Variants in COL11A1 observed in about 807,000 individuals in gnomAD.
The protein encoded by COL11A1 is collagen alpha-1(XI) chain.
COL11A1 carries 74 observed loss-of-function variants against 265.2 expected under a neutral mutation model. The observed-to-expected ratio is 0.28, with a 90% CI of 0.23 to 0.34. COL11A1 has a LOEUF of 0.34. COL11A1 is among the 10% of genes least tolerant of loss of function. COL11A1 has a pLI of 1.00. For synonymous variants in COL11A1, 816 were observed against 727.6 expected (o/e 1.12, Z -1.96); for missense variants, 2,165 against 2,263.6 (o/e 0.96, Z 0.88).
intron 4 of COL11A1, among the ~76,000 whole-genome samples, chr1:103,046,986 C>A (rs1023301496): frequency 1.1e-4 from 17 of 152,080 alleles, no homozygotes; most frequent in Non-Finnish European, 2.9e-5. Flanking sequence ...GGTACAAGTA[C>A]CATGTTGTTT....
At chr1:102,997,923 A>G (rs1413683377) in intron 25 of COL11A1, among the ~76,000 whole-genome samples, 1 of 151,986 alleles carries the variant, frequency 6.6e-6, no homozygotes, top group South Asian at 2.1e-4. Flanking sequence ...ATACTTTGAA[A>G]AGGAGGAGAA....
At chr1:103,033,730 T>C (rs948612558) in intron 4 of COL11A1, among the ~76,000 whole-genome samples, 2 of 152,192 alleles carry the variant, frequency 1.3e-5, no homozygotes, top group African/African-American at 4.8e-5. Context: ...TCCATTTCAA[T>C]CTGAGAGACT....
intron 8 of COL11A1, 45 bp downstream of exon 8, chr1:103,022,697 C>G (rs1416382128): frequency 1.2e-6 from 2 of 1,610,746 alleles, no homozygotes; most frequent in Non-Finnish European, 1.7e-6. Flanking sequence ...TAAAAATATC[C>G]CATAAATAAG....
chr1:103,067,913 C>A (rs891326532), intron 4 of COL11A1, among the ~76,000 whole-genome samples: 8 of 151,392 alleles, frequency 5.3e-5, no homozygotes, highest in East Asian at 3.9e-4. Context: ...AACAGAAAAA[C>A]CGAATTAACC....
At chr1:103,069,614 C>T (rs531843805) in intron 4 of COL11A1, among the ~76,000 whole-genome samples, 1 of 151,678 alleles carries the variant, frequency 6.6e-6, no homozygotes, top group Non-Finnish European at 1.5e-5. Flanking sequence ...AAAAAAAAGG[C>T]AAGTCACATA....
At chr1:103,076,395 T>TA (rs34919954) in intron 3 of COL11A1, among the ~76,000 whole-genome samples, 7,889 of 152,106 alleles carry the variant, frequency 0.052, 218 homozygotes, top group Middle Eastern at 0.092. Context: ...TCTGCATTCT[T>TA]AAAACTATCA....
chr1:102,961,441 A>G (rs1478270036), intron 41 of COL11A1, among the ~76,000 whole-genome samples: 1 of 152,198 alleles, frequency 6.6e-6, no homozygotes, highest in Non-Finnish European at 1.5e-5. Flanking sequence ...AACAAATTAA[A>G]TATGTTTTAT....
intron 49 of COL11A1, among the ~76,000 whole-genome samples, chr1:102,917,570 G>A (rs1431074843): frequency 6.6e-6 from 1 of 151,812 alleles, no homozygotes; most frequent in African/African-American, 2.4e-5. Flanking sequence ...TTAATTCATG[G>A]TAACATCACA....
chr1:102,904,353 C>A (rs1301264133), intron 54 of COL11A1, among the ~76,000 whole-genome samples: 7 of 152,096 alleles, frequency 4.6e-5, no homozygotes, highest in African/African-American at 1.4e-4. Context: ...GCAATGGCAA[C>A]AAAAGCCAAA....
At chr1:103,100,868 G>A (rs1674207854) in intron 1 of COL11A1, among the ~76,000 whole-genome samples, 1 of 151,834 alleles carries the variant, frequency 6.6e-6, no homozygotes, top group African/African-American at 2.4e-5. Flanking sequence ...TATCTCATGG[G>A]TAAAATCAGT....
intron 4 of COL11A1, among the ~76,000 whole-genome samples, chr1:103,061,609 T>G (rs969340565): frequency 6.6e-6 from 1 of 151,988 alleles, no homozygotes; most frequent in African/African-American, 2.4e-5. Flanking sequence ...TGTAAAAACA[T>G]ACTTCTAACT....
intron 9 of COL11A1, among the ~76,000 whole-genome samples, chr1:103,020,764 G>C (rs1666981684): frequency 8.0e-6 from 1 of 125,712 alleles, no homozygotes; most frequent in Admixed American, 8.0e-5. Context: ...ATTGATTTTT[G>C]TATAAGGTGT....
intron 35 of COL11A1, among the ~76,000 whole-genome samples, chr1:102,977,285 C>T (rs949831888): frequency 6.6e-6 from 1 of 152,018 alleles, no homozygotes; most frequent in Non-Finnish European, 1.5e-5. Context: ...GTCTCATCAA[C>T]CACAAGGAAC....
At chr1:102,989,090 C>T (rs1663861920) in intron 29 of COL11A1, among the ~76,000 whole-genome samples, 2 of 152,104 alleles carry the variant, frequency 1.3e-5, no homozygotes, top group African/African-American at 2.4e-5. Flanking sequence ...AAATTGAACA[C>T]CACCATATAA....
At chr1:102,902,875 C>CATAT (rs1451178887) in intron 54 of COL11A1, among the ~76,000 whole-genome samples, 34 of 150,548 alleles carry the variant, frequency 2.3e-4, no homozygotes, top group Non-Finnish European at 4.4e-4. Flanking sequence ...AAGGTACACA[C>CATAT]ACATATATAT....
chr1:102,898,698 G>A lies in COL11A1; in HGVS notation c.4216C>T (p.Pro1406Ser), dbSNP rs1254540628. 3 of 1,612,626 alleles carry A rather than the reference G, an allele frequency of 1.9e-6. No homozygotes were observed. The African/African-American group carries it at 4.0e-5, about 22-fold the overall frequency. Residue 1406 changes from proline (P) to serine (S), a missense_variant, in exon 56 of 67, where the codon CCA becomes TCA. Coordinates refer to ENST00000370096, the MANE Select transcript of COL11A1 (RefSeq NM_001854.4). ...GPQGPAGKPG[P>S]EGLRGIPGPV... Reference sequence around the variant, plus strand: ...CCAGGGATGCCCCGAAGACCTTCTGGACCAGGCTTTCCTGCAGGTCCCTGA... The same window carrying A: ...CCAGGGATGCCCCGAAGACCTTCTGAACCAGGCTTTCCTGCAGGTCCCTGA...
intron 1 of COL11A1, among the ~76,000 whole-genome samples, chr1:103,099,391 T>C (rs188099901): frequency 5.2e-4 from 79 of 151,184 alleles, no homozygotes; most frequent in African/African-American, 1.9e-3. Context: ...AATGAGTTTA[T>C]TGAAATAAAC....
chr1:103,048,493 T>A (rs1404257326), intron 4 of COL11A1, among the ~76,000 whole-genome samples: 1 of 152,200 alleles, frequency 6.6e-6, no homozygotes, highest in Non-Finnish European at 1.5e-5. Flanking sequence ...CTCTCTTTTC[T>A]TCTTTATTAG....
rs3056958 is a variant in COL11A1 at position 103,036,322 on chromosome 1, G to GTATA, written c.652-5082_652-5079dup. On this transcript the variant is annotated intron_variant, in intron 4 of 66. Coordinates refer to ENST00000370096, the MANE Select transcript of COL11A1 (RefSeq NM_001854.4). ...GCTGAAAAACAAAAAAGTTGCTATC[G>GTATA]TATATATATATATATATATATATAT... Among the ~76,000 whole-genome samples the GTATA allele has an allele frequency of 2.0e-3, 276 of 140,358 alleles. 2 individuals are homozygous for GTATA. Among genetic ancestry groups the GTATA allele is most frequent in the Middle Eastern group, 7.9e-3 (2 of 254 alleles). The allele number at this position is 140,358 out of a possible 152,430, so 92.1% of individuals were successfully genotyped here.
Sources: allele counts gnomAD v4.1 joint callset (sites outside exome capture counted in the v4.1 genomes callset), GRCh38; gene constraint gnomAD v4.1.1; transcripts MANE v1.5; gene names NCBI Gene and HGNC (gene_info 2026-07-23, HGNC 2026-07-21).